The following ROBO1 variants were observed in gnomAD, a reference collection of about 807,000 sequenced individuals.
ROBO1 encodes the protein roundabout homolog 1.
In ROBO1, 149 loss-of-function variants were observed where a neutral mutation model predicts 195.9. The observed-to-expected ratio is 0.76, with a 90% confidence interval of 0.67 to 0.87. ROBO1 has a LOEUF of 0.87. Among genes scored for constraint, ROBO1 ranks in the 40% least tolerant of loss-of-function variants. ROBO1 has a pLI of 0.00. For synonymous variants in ROBO1, 816 were observed against 733.2 expected, an observed-to-expected ratio of 1.11 and a Z score of -1.82; for missense variants, 1,933 against 2,068.3, an observed-to-expected ratio of 0.93 and a Z score of 1.27.
intron 3 of ROBO1, chr3:79,018,316 T>C: frequency 3.4e-6 from 5 of 1,478,574 alleles, no homozygotes; most frequent in Non-Finnish European, 4.7e-6. Flanking sequence ...GAGGGAGGGG[T>C]AACCAAAATA....
intron 4 of ROBO1, among the ~76,000 whole-genome samples, chr3:78,820,993 C>A (rs2030849333): frequency 6.6e-6 from 1 of 152,072 alleles, no homozygotes; most frequent in South Asian, 2.1e-4. Flanking sequence ...ATCTACCTGG[C>A]CTACTAAGAA....
At chr3:79,067,181 T>C (rs1243817225) in intron 3 of ROBO1, among the ~76,000 whole-genome samples, 2 of 151,996 alleles carry the variant, frequency 1.3e-5, no homozygotes, top group African/African-American at 2.4e-5. Flanking sequence ...ATATGTCTCA[T>C]GATTTTAAGG....
At chr3:79,544,537 C>A (rs1575999145) in intron 2 of ROBO1, among the ~76,000 whole-genome samples, 1 of 151,842 alleles carries the variant, frequency 6.6e-6, no homozygotes, top group South Asian at 2.1e-4. Context: ...ATATTAATAC[C>A]AGAATAGTGG....
At chr3:78,629,671 C>CAAACCAAACT (rs1705057033) in intron 25 of ROBO1, among the ~76,000 whole-genome samples, 1 of 151,838 alleles carries the variant, frequency 6.6e-6, no homozygotes, top group Non-Finnish European at 1.5e-5. Context: ...CAAACCAAAC[C>CAAACCAAACT]AAACCAAACC....
chr3:78,765,156 C>G (rs909658423), intron 4 of ROBO1, among the ~76,000 whole-genome samples: 1 of 151,850 alleles, frequency 6.6e-6, no homozygotes, highest in Non-Finnish European at 1.5e-5. Context: ...TAATTTTAGG[C>G]CTTCTCTCGA....
At chr3:78,971,758 T>G (rs2076772764) in intron 3 of ROBO1, among the ~76,000 whole-genome samples, 1 of 152,120 alleles carries the variant, frequency 6.6e-6, no homozygotes, top group Non-Finnish European at 1.5e-5. Flanking sequence ...TTGTTGTTGT[T>G]GTTGTTGTTT....
In ROBO1 at chr3:78,717,375, C is replaced by T; in HGVS notation, c.817G>A (p.Val273Ile). 3 of 1,613,602 alleles carry T rather than the reference C, an allele frequency of 1.9e-6. No individual in the cohort carries two copies. The highest frequency in any genetic ancestry group is 1.7e-4 in the Middle Eastern group (1 of 6,056). The change falls in exon 7 of 31, where the codon GTA (valine) becomes ATA (isoleucine). Residue 273 changes from valine to isoleucine, a missense_variant. Physicochemically the swap from Val to Ile is conservative, Grantham distance 29. Transcript: ENST00000464233. ...AATTCTGCACTGTCATCCACAGTTA[C>T]TGCCAAGTTACTGGGTCTCTTCACA... ...SFVKRPSNLA[V>I]TVDDSAEFKC...
At chr3:79,034,298 G>A (rs2078345587) in intron 3 of ROBO1, among the ~76,000 whole-genome samples, 1 of 151,908 alleles carries the variant, frequency 6.6e-6, no homozygotes, top group African/African-American at 2.4e-5. Context: ...TGTATCTTAA[G>A]ACTCAGGAAC....
chr3:79,228,371 A>G (rs2082263563), intron 2 of ROBO1, among the ~76,000 whole-genome samples: 1 of 152,180 alleles, frequency 6.6e-6, no homozygotes, highest in Non-Finnish European at 1.5e-5. Flanking sequence ...TGAAACATCA[A>G]TACTTGCTGA....
chr3:79,414,789 A>C (rs138467425), intron 2 of ROBO1, among the ~76,000 whole-genome samples: 2 of 152,288 alleles, frequency 1.3e-5, no homozygotes, highest in Non-Finnish European at 2.9e-5. Context: ...ACTAGCTTTC[A>C]AATCTGCAAT....
chr3:79,536,474 T>C (rs1313667820), intron 2 of ROBO1, among the ~76,000 whole-genome samples: 1 of 152,116 alleles, frequency 6.6e-6, no homozygotes, highest in East Asian at 1.9e-4. Context: ...AATTAGAAAA[T>C]AGCTTGTAAC....
intron 4 of ROBO1, among the ~76,000 whole-genome samples, chr3:78,780,762 A>G (rs1391197056): frequency 6.6e-6 from 1 of 152,116 alleles, no homozygotes; most frequent in Admixed American, 6.5e-5. Context: ...GGTGCCTACC[A>G]CATTCATTTC....
At chr3:79,186,226 T>C (rs1186502179) in intron 2 of ROBO1, among the ~76,000 whole-genome samples, 1 of 152,142 alleles carries the variant, frequency 6.6e-6, no homozygotes, top group Non-Finnish European at 1.5e-5. Flanking sequence ...TATGCGATTT[T>C]CATTACACAT....
chr3:78,845,528 T>C (rs2033604343), intron 4 of ROBO1, among the ~76,000 whole-genome samples: 1 of 152,148 alleles, frequency 6.6e-6, no homozygotes, highest in Non-Finnish European at 1.5e-5. Context: ...GACACACATA[T>C]ATTTCCTAAT....
chr3:79,205,222 G>A (rs968198490), intron 2 of ROBO1, among the ~76,000 whole-genome samples: 2 of 152,060 alleles, frequency 1.3e-5, no homozygotes, highest in Admixed American at 6.6e-5. Flanking sequence ...TCAAACCCCT[G>A]TCCTCAAGTG....
chr3:79,392,035 A>G (rs1350568938), intron 2 of ROBO1, among the ~76,000 whole-genome samples: 1 of 152,210 alleles, frequency 6.6e-6, no homozygotes, highest in South Asian at 2.1e-4. Context: ...AGAACAGTGG[A>G]CCAGAAGTCC....
chr3:79,523,802 A>G (rs1431807591), intron 2 of ROBO1, among the ~76,000 whole-genome samples: 3 of 152,178 alleles, frequency 2.0e-5, no homozygotes, highest in Admixed American at 2.0e-4. Context: ...TGCAAAATGC[A>G]TCTAAAAGAG....
intron 2 of ROBO1, among the ~76,000 whole-genome samples, chr3:79,243,511 T>G (rs2108887273): frequency 6.6e-6 from 1 of 152,240 alleles, no homozygotes; most frequent in East Asian, 1.9e-4. Flanking sequence ...TCCTGACTTT[T>G]TAATGATCAC....
chr3:79,508,083 A>G (rs1311276901), intron 2 of ROBO1: 1 of 152,090 alleles, frequency 6.6e-6, no homozygotes, highest in African/African-American at 2.4e-5. Flanking sequence ...GGAGGGGAAC[A>G]TCACACACTG....
Sources: gnomAD v4.1 joint callset for allele counts (sites outside exome capture counted in the v4.1 genomes callset) on GRCh38, gnomAD v4.1.1 for gene constraint, MANE v1.5 for transcripts, NCBI Gene and HGNC (gene_info 2026-07-23, HGNC 2026-07-21) for gene names.